The following ANO6 variants were observed in gnomAD, a reference collection of about 807,000 sequenced individuals.
The protein encoded by ANO6 is anoctamin-6.
ANO6 carries 106 observed loss-of-function variants against 117.5 expected under a neutral mutation model. That is an observed-to-expected ratio of 0.90 (90% CI 0.77 to 1.06). ANO6 has a LOEUF of 1.06. Among genes scored for constraint, ANO6 ranks in the 50% least tolerant of loss-of-function variants. The pLI is 0.00. For missense variants in ANO6, 955 were observed against 1,121.1 expected, an observed-to-expected ratio of 0.85 and a Z score of 2.12; for synonymous variants, 367 against 385.1, an observed-to-expected ratio of 0.95 and a Z score of 0.55.
At chr12:45,379,431 AAACTCT>A (rs1373472285) in intron 10 of ANO6, among the ~76,000 whole-genome samples, 1 of 152,240 alleles carries the variant, frequency 6.6e-6, no homozygotes, top group African/African-American at 2.4e-5. Context: ...GCTGGAGACC[AAACTCT>A]GACTAATATT....
At chr12:45,392,864 G>C (rs1019794700) in intron 12 of ANO6, among the ~76,000 whole-genome samples, 57 of 152,252 alleles carry the variant, frequency 3.7e-4, no homozygotes, top group African/African-American at 1.3e-3. Flanking sequence ...AAAGACCAAA[G>C]GTAGATAAAA....
chr12:45,283,825 CA>C, intron 1 of ANO6, among the ~76,000 whole-genome samples: 1 of 152,164 alleles, frequency 6.6e-6, no homozygotes, highest in Non-Finnish European at 1.5e-5. Context: ...TGTTTATCCC[CA>C]CTACCACCAT....
At chr12:45,334,386 C>T (rs1485726152) in intron 3 of ANO6, among the ~76,000 whole-genome samples, 1 of 152,032 alleles carries the variant, frequency 6.6e-6, no homozygotes, top group Non-Finnish European at 1.5e-5. Context: ...GAAGTCATTC[C>T]ATCCTCCTGC....
intron 2 of ANO6, among the ~76,000 whole-genome samples, chr12:45,320,894 A>G (rs1409738530): frequency 4.6e-5 from 7 of 151,872 alleles, no homozygotes; most frequent in Admixed American, 3.9e-4. Context: ...GTCTCTTTTG[A>G]TCTTTGTTGG....
intron 9 of ANO6, among the ~76,000 whole-genome samples, chr12:45,369,536 T>A (rs539349739): frequency 6.6e-6 from 1 of 152,142 alleles, no homozygotes; most frequent in African/African-American, 2.4e-5. Flanking sequence ...AATTCTATTC[T>A]AGTTTCCTGA....
chr12:45,347,083 G>A lies in ANO6; in HGVS notation c.341G>A (p.Arg114Lys). 1 of 1,614,020 alleles carries A rather than the reference G, an allele frequency of 6.2e-7. No homozygotes were observed. Among genetic ancestry groups the A allele is most frequent in the Non-Finnish European group, 8.5e-7 (1 of 1,179,936 alleles). ...ICHGLQLEAT[R>K]SVLDDKLVFV... is the part of the protein sequence containing the mutation. ...CATGGCCTGCAGTTAGAAGCAACAAGATCAGTAAGTACTGGTCCCTTTTCA... is the reference window on the plus strand; with the variant it reads ...CATGGCCTGCAGTTAGAAGCAACAAAATCAGTAAGTACTGGTCCCTTTTCA... The change falls in exon 4 of 20, where the codon AGA becomes AAA. Residue 114 changes from arginine to lysine, a missense_variant. Coordinates refer to ENST00000320560, the MANE Select transcript of ANO6 (RefSeq NM_001025356.3).
chr12:45,273,311 A>G (rs1592902896), intron 1 of ANO6, among the ~76,000 whole-genome samples: 1 of 152,224 alleles, frequency 6.6e-6, no homozygotes, highest in Admixed American at 6.5e-5. Flanking sequence ...AATATATTCA[A>G]TCTTTGTCAA....
At chr12:45,323,770 CTTTA>C (rs1250925184) in intron 2 of ANO6, among the ~76,000 whole-genome samples, 1 of 152,010 alleles carries the variant, frequency 6.6e-6, no homozygotes, top group Non-Finnish European at 1.5e-5. Flanking sequence ...AGTCTGTGTT[CTTTA>C]TTCTCATTTT....
At chr12:45,307,473 A>G (rs775009732) in intron 2 of ANO6, among the ~76,000 whole-genome samples, 1 of 152,172 alleles carries the variant, frequency 6.6e-6, no homozygotes, top group Non-Finnish European at 1.5e-5. Context: ...TGGAAGGAGC[A>G]GTTTGGGGAG....
intron 2 of ANO6, among the ~76,000 whole-genome samples, chr12:45,310,402 A>G (rs17095722): frequency 0.017 from 2,639 of 152,206 alleles, 54 homozygotes; most frequent in East Asian, 0.085. Flanking sequence ...GTAAAATGAA[A>G]GTCCTGAGTA....
chr12:45,363,086 T>G (rs1294075723), intron 8 of ANO6, among the ~76,000 whole-genome samples: 1 of 152,160 alleles, frequency 6.6e-6, no homozygotes, highest in East Asian at 1.9e-4. Context: ...TTGTCCACAA[T>G]GCTTGGGACC....
At chr12:45,365,463 T>C in intron 8 of ANO6, among the ~76,000 whole-genome samples, 1 of 152,242 alleles carries the variant, frequency 6.6e-6, no homozygotes, top group East Asian at 1.9e-4. Flanking sequence ...TGCCGATTGC[T>C]TTCAACACTT....
chr12:45,333,648 G>C (rs1940740280), intron 3 of ANO6, among the ~76,000 whole-genome samples: 1 of 151,890 alleles, frequency 6.6e-6, no homozygotes, highest in Non-Finnish European at 1.5e-5. Context: ...GATATACCTT[G>C]ATGTTCATTT....
At chr12:45,417,004 A>T in intron 17 of ANO6, 100 bp downstream of exon 17, 2 of 1,178,390 alleles carry the variant, frequency 1.7e-6, no homozygotes, top group Non-Finnish European at 2.5e-6. Context: ...TGAGAGGAAG[A>T]TGCTAAGTCT....
chr12:45,376,907 GAC>G (rs1449014544), intron 9 of ANO6, among the ~76,000 whole-genome samples: 2 of 151,724 alleles, frequency 1.3e-5, no homozygotes, highest in African/African-American at 2.4e-5. Flanking sequence ...ATGATTGGAT[GAC>G]AGACAATTTA....
intron 3 of ANO6, among the ~76,000 whole-genome samples, chr12:45,345,978 A>C (rs1311411385): frequency 7.4e-6 from 1 of 134,568 alleles, no homozygotes; most frequent in East Asian, 2.7e-4. Flanking sequence ...AGGGAGAAAC[A>C]AAAATGGGGC....
rs150857708 is a variant in ANO6, at chr12:45,411,255, T to C, written c.2011+1768T>C. 3.2e-3 allele frequency among the ~76,000 whole-genome samples: 487 copies of C among 152,326 alleles called. 2 individuals are homozygous for C. Among genetic ancestry groups the C allele is most frequent in the Middle Eastern group, 6.8e-3 (2 of 294 alleles). Reference sequence around the variant, plus strand: ...AGTTGATAGGACTTTTAGAGTTTCATAGGCTCTTTAAAATAGTTATCAACC... The same window carrying C: ...AGTTGATAGGACTTTTAGAGTTTCACAGGCTCTTTAAAATAGTTATCAACC... On this transcript the variant is annotated intron_variant, in intron 16 of 19. Transcript: ENST00000320560.
chr12:45,427,781 A>G lies in ANO6; in HGVS notation c.2527-1324A>G, dbSNP rs187751047. 3.3e-3 allele frequency among the ~76,000 whole-genome samples: 499 copies of G among 151,912 alleles called. 6 individuals carry two copies. Among genetic ancestry groups the G allele is most frequent in the African/African-American group, 0.011 (465 of 41,448 alleles). Reference sequence around the variant, plus strand: ...CTGATCCAGCCTGGGCAACATGGCAAAACCCAAAATTAGCCGGGCATGGTG... The same window carrying G: ...CTGATCCAGCCTGGGCAACATGGCAGAACCCAAAATTAGCCGGGCATGGTG... On this transcript the variant is annotated intron_variant, in intron 19 of 19. Transcript: ENST00000320560.
chr12:45,439,179 T>C (rs1943742458), intron 19 of ANO6, among the ~76,000 whole-genome samples: 1 of 152,090 alleles, frequency 6.6e-6, no homozygotes, highest in South Asian at 2.1e-4. Context: ...TGCTGCTACT[T>C]CTCCAGCCAC....
Sources: gnomAD v4.1 joint callset for allele counts (sites outside exome capture counted in the v4.1 genomes callset) on GRCh38, gnomAD v4.1.1 for gene constraint, MANE v1.5 for transcripts, NCBI Gene and HGNC (gene_info 2026-07-23, HGNC 2026-07-21) for gene names.